KLHDC1: variants seen among roughly 807,000 people sequenced by gnomAD.
KLHDC1 encodes kelch domain containing 1.
Under a neutral mutation model 68.3 loss-of-function variants are expected in KLHDC1, and 53 were observed. That is an observed-to-expected ratio of 0.78 (90% confidence interval 0.62 to 0.98). KLHDC1 has a LOEUF of 0.98. Ranked by LOEUF, KLHDC1 falls within the 50% of genes least tolerant of loss-of-function variation. The probability of loss-of-function intolerance (pLI) is 0.00; values close to 1 mark genes in which losing one functional copy is unlikely to be tolerated. For missense variants in KLHDC1, 470 were observed against 492.3 expected (o/e 0.95, Z 0.43); for synonymous variants, 148 against 159.0 (o/e 0.93, Z 0.52).
At position 49,743,743 on chromosome 14, in the gene KLHDC1, T is replaced by G. The variant is rs910439283; in HGVS notation, c.982-10T>G. 6.4e-7 allele frequency: 1 copy of G among 1,558,450 alleles called. No homozygotes were observed. The highest frequency in any genetic ancestry group is 1.4e-5 in the African/African-American group (1 of 73,124). ...CAAAAACTTAATAATGCCTTTTTTG[T>G]GTTGATTAGGGTCACTGTAATGATT... On this transcript the variant is annotated splice_polypyrimidine_tract_variant and intron_variant, in intron 11 of 12. Coordinates refer to ENST00000359332, the MANE Select transcript of KLHDC1 (RefSeq NM_172193.3).
chr14:49,715,901 A>T (rs944275905), intron 4 of KLHDC1, among the ~76,000 whole-genome samples: 1 of 151,784 alleles, frequency 6.6e-6, no homozygotes, highest in Non-Finnish European at 1.5e-5. Flanking sequence ...TCATTTAAAT[A>T]CTGATGTCAT....
intron 4 of KLHDC1, among the ~76,000 whole-genome samples, chr14:49,716,219 A>G (rs1038771010): frequency 2.6e-5 from 4 of 152,150 alleles, no homozygotes; most frequent in African/African-American, 4.8e-5. Flanking sequence ...GTAAACCACT[A>G]TGGTTTTCTG....
chr14:49,751,751 TC>T lies in KLHDC1; in HGVS notation c.1201del (p.Gln401SerfsTer15). On this transcript the variant is annotated frameshift_variant, in exon 13 of 13. Coordinates refer to ENST00000359332, the MANE Select transcript of KLHDC1 (RefSeq NM_172193.3). LOFTEE classifies it high-confidence loss of function. ...AAAAAGAAGAAACAGAAAATAAATA[TC>T]AGTGGATCAGTAGCAATTAAATTGT... ...VQKEETENKY[Q>X]WISSN The T allele has an allele frequency of 6.4e-7, 1 of 1,568,748 alleles. No individual in the cohort carries two copies. Among genetic ancestry groups the T allele is most frequent in the Non-Finnish European group, 8.7e-7 (1 of 1,149,766 alleles).
intron 12 of KLHDC1, among the ~76,000 whole-genome samples, chr14:49,749,698 G>C (rs914775679): frequency 2.1e-5 from 3 of 141,212 alleles, no homozygotes; most frequent in African/African-American, 5.2e-5. Context: ...AAAAAAAAAA[G>C]AAATACAATT....
At chr14:49,716,888 A>G (rs1888391651) in intron 4 of KLHDC1, among the ~76,000 whole-genome samples, 4 of 152,112 alleles carry the variant, frequency 2.6e-5, no homozygotes. Context: ...CCTTCTTTCC[A>G]ACCCCTGGTG....
At position 49,752,484 on chromosome 14, in the gene KLHDC1, T is replaced by C. The variant is rs565329759; in HGVS notation, c.*712T>C. On this transcript the variant is annotated 3_prime_UTR_variant, in exon 13 of 13. Transcript: ENST00000359332. ...GTGGAGGTTTATTTATCATACAGGC[T>C]TTGAAACATTAAGAAGCAGTATTTT... The C allele has an allele frequency of 2.6e-5, 4 of 152,668 alleles. No individual in the cohort carries two copies. Among genetic ancestry groups the C allele is most frequent in the African/African-American group, 9.6e-5 (4 of 41,586 alleles). 9.5% of individuals were successfully genotyped at this position (152,668 alleles called of 1,614,324 possible). A position where few individuals can be genotyped will look rare whatever the true frequency, so the allele number is the denominator to read the frequency against.
At chr14:49,744,121 CA>C (rs35140225) in intron 12 of KLHDC1, among the ~76,000 whole-genome samples, 132,661 of 148,382 alleles carry the variant, frequency 0.89, 60,977 homozygotes, top group South Asian at 1. Flanking sequence ...CACGACTCTA[CA>C]AAAAAAAAAA....
chr14:49,747,580 T>C (rs1889230479), intron 12 of KLHDC1, among the ~76,000 whole-genome samples: 3 of 152,166 alleles, frequency 2.0e-5, no homozygotes, highest in African/African-American at 7.2e-5. Flanking sequence ...TATGGATATA[T>C]AGATAGAAAA....
At chr14:49,737,722 G>C (rs1223155097) in intron 10 of KLHDC1, among the ~76,000 whole-genome samples, 3 of 151,242 alleles carry the variant, frequency 2.0e-5, no homozygotes, top group Non-Finnish European at 4.4e-5. Flanking sequence ...AAAATTAGCT[G>C]GGTGTGGTGG....
chr14:49,709,725 G>A lies in KLHDC1; in HGVS notation c.184G>A (p.Glu62Lys). The change falls in exon 3 of 13, where the codon GAA becomes AAA. Residue 62 changes from glutamate (E) to lysine (K), a missense_variant. By Grantham distance (56) the Glu-to-Lys change is moderately conservative. Transcript: ENST00000359332. ...TTGCTGCAGGAGAATGCACCTCATGGAAGGAGAACTCCCAGCCTCCATGTC... is the reference window on the plus strand; with the variant it reads ...TTGCTGCAGGAGAATGCACCTCATGAAAGGAGAACTCCCAGCCTCCATGTC... ...DSGLWRMHLM[E>K]GELPASMSGS... The A allele has an allele frequency of 5.0e-6, 8 of 1,594,222 alleles. No individual in the cohort carries two copies. Among genetic ancestry groups the A allele is most frequent in the Non-Finnish European group, 6.8e-6 (8 of 1,171,544 alleles).
intron 4 of KLHDC1, among the ~76,000 whole-genome samples, chr14:49,721,859 AC>A (rs1314145220): frequency 2.0e-5 from 3 of 152,138 alleles, no homozygotes; most frequent in Non-Finnish European, 4.4e-5. Context: ...ACCCTGGAAG[AC>A]CTCTTTCAGC....
At chr14:49,698,501 CTT>C (rs1020345518) in intron 1 of KLHDC1, among the ~76,000 whole-genome samples, 6 of 149,460 alleles carry the variant, frequency 4.0e-5, no homozygotes, top group Non-Finnish European at 4.4e-5. Context: ...CGCGCTCGGC[CTT>C]TGTTTTTTGT....
At chr14:49,736,000 G>T (rs1161651692) in intron 10 of KLHDC1, among the ~76,000 whole-genome samples, 2 of 152,112 alleles carry the variant, frequency 1.3e-5, no homozygotes, top group Non-Finnish European at 2.9e-5. Context: ...GGGCAGCAGA[G>T]CCAGACCCTG....
chr14:49,736,689 G>C (rs1343904285), intron 10 of KLHDC1, among the ~76,000 whole-genome samples: 2 of 152,154 alleles, frequency 1.3e-5, no homozygotes, highest in Admixed American at 6.5e-5. Context: ...TCTCAACCTT[G>C]GCATTACTGA....
intron 11 of KLHDC1, among the ~76,000 whole-genome samples, chr14:49,740,627 C>T (rs1158257289): frequency 6.6e-6 from 1 of 151,822 alleles, no homozygotes; most frequent in East Asian, 1.9e-4. Context: ...GCGTGAGCCA[C>T]CGCACCCAGC....
intron 11 of KLHDC1, among the ~76,000 whole-genome samples, chr14:49,743,363 G>A (rs2139767886): frequency 6.9e-6 from 1 of 145,500 alleles, no homozygotes; most frequent in African/African-American, 2.6e-5. Flanking sequence ...TTGCACCACT[G>A]CACTCCAGTC....
In KLHDC1 at chr14:49,709,209, T is replaced by C; in HGVS notation, c.147T>C (p.Tyr49=). ...TGCCTAATGATGAAATTTGGACCTA[T>C]GATATTGATAGTGGGTTGTGGTAAG... ...VYLPNDEIWT[Y]DIDSGLWRMH... is the part of the protein sequence containing the mutation. Residue 49 remains tyrosine (Y), a synonymous_variant, in exon 2 of 13, where the codon TAT becomes TAC. Transcript: ENST00000359332. 7 of 1,369,008 alleles carry C rather than the reference T, an allele frequency of 5.1e-6. No individual in the cohort carries two copies. Among genetic ancestry groups the C allele is most frequent in the Non-Finnish European group, 7.2e-6 (7 of 973,410 alleles). The allele number at this position is 1,369,008 out of a possible 1,614,324, so 84.8% of individuals were successfully genotyped here.
intron 7 of KLHDC1, 134 bp downstream of exon 7, chr14:49,729,143 T>C (rs1888742237): frequency 3.1e-6 from 2 of 643,110 alleles, no homozygotes; most frequent in African/African-American, 3.7e-5. Flanking sequence ...ATTTTATTTA[T>C]CTTCTAATTC....
At position 49,738,489 on chromosome 14, in the gene KLHDC1, G is replaced by A. The variant is rs575428804; in HGVS notation, c.897-1609G>A. 3.3e-5 allele frequency among the ~76,000 whole-genome samples: 5 copies of A among 152,130 alleles called. No homozygotes were observed. The South Asian group carries it at 8.3e-4, about 25-fold the overall frequency. On this transcript the variant is annotated intron_variant, in intron 10 of 12. Transcript: ENST00000359332. ...AGCCTTCTAAGTAGCTGGGATTACAGGCATGCGCCAACAAGCTCGGCTAAT... is the reference window on the plus strand; with the variant it reads ...AGCCTTCTAAGTAGCTGGGATTACAAGCATGCGCCAACAAGCTCGGCTAAT...
Sources: allele counts gnomAD v4.1 joint callset (sites outside exome capture counted in the v4.1 genomes callset), GRCh38; gene constraint gnomAD v4.1.1; transcripts MANE v1.5; gene names NCBI Gene and HGNC (gene_info 2026-07-23, HGNC 2026-07-21).